BIRC6: variants seen among roughly 807,000 people sequenced by gnomAD.
The protein encoded by BIRC6 is baculoviral IAP repeat containing 6.
BIRC6 carries 98 observed loss-of-function variants against 503.3 expected under a neutral mutation model. The observed-to-expected ratio is 0.19, with a 90% CI of 0.17 to 0.23. BIRC6 has a LOEUF of 0.23. Ranked by LOEUF, BIRC6 falls within the 10% of genes least tolerant of loss-of-function variation. The pLI is 1.00. For synonymous variants in BIRC6, 2,240 were observed against 2,078.7 expected, an observed-to-expected ratio of 1.08 and a Z score of -2.11; for missense variants, 5,360 against 5,806.0, an observed-to-expected ratio of 0.92 and a Z score of 2.50.
intron 55 of BIRC6, among the ~76,000 whole-genome samples, chr2:32,517,468 C>T (rs538619185): frequency 3.0e-4 from 45 of 152,146 alleles, no homozygotes; most frequent in Non-Finnish European, 5.9e-4. Flanking sequence ...CAACTTCACC[C>T]GAGGGCATGA....
At chr2:32,542,573 A>G (rs955382033) in intron 61 of BIRC6, among the ~76,000 whole-genome samples, 1 of 152,236 alleles carries the variant, frequency 6.6e-6, no homozygotes, top group Admixed American at 6.5e-5. Flanking sequence ...ACAGAATTAG[A>G]AAGTTCTCCT....
In BIRC6 at chr2:32,380,241, G is replaced by T; in HGVS notation, c.596G>T (p.Gly199Val). 1.9e-6 allele frequency: 3 copies of T among 1,609,246 alleles called. No individual in the cohort carries two copies. The highest frequency in any genetic ancestry group is 2.5e-6 in the Non-Finnish European group (3 of 1,178,488). The change falls in exon 3 of 74, where the codon GGT becomes GTT. Residue 199 changes from glycine to valine, a missense_variant. Transcript: ENST00000421745. ...YDLFITQLKD[G>V]LKNTSHETAA... is the part of the protein sequence containing the mutation. Reference sequence around the variant, plus strand: ...TTGTTCATCACACAGCTCAAAGATGGTTTAAAAAATACATCTCATGAGACT... The same window carrying T: ...TTGTTCATCACACAGCTCAAAGATGTTTTAAAAAATACATCTCATGAGACT...
intron 9 of BIRC6, among the ~76,000 whole-genome samples, chr2:32,408,155 A>G (rs1217996281): frequency 6.6e-6 from 1 of 152,046 alleles, no homozygotes; most frequent in Non-Finnish European, 1.5e-5. Flanking sequence ...TTTAGTAGAG[A>G]TGGGGTTTCA....
intron 9 of BIRC6, among the ~76,000 whole-genome samples, chr2:32,407,001 G>A (rs537806445): frequency 6.6e-6 from 1 of 152,070 alleles, no homozygotes; most frequent in Non-Finnish European, 1.5e-5. Flanking sequence ...AATATACTTC[G>A]TATTTTAATG....
chr2:32,615,930 G>T (rs1298001523), intron 73 of BIRC6, among the ~76,000 whole-genome samples: 4 of 152,052 alleles, frequency 2.6e-5, no homozygotes, highest in Non-Finnish European at 5.9e-5. Flanking sequence ...ATCAGACCCG[G>T]CCGACACAAT....
chr2:32,508,420 G>T (rs1247035987), intron 51 of BIRC6, among the ~76,000 whole-genome samples, 161 bp downstream of exon 51: 1 of 151,104 alleles, frequency 6.6e-6, no homozygotes, highest in Non-Finnish European at 1.5e-5. Context: ...GTGTAATAGA[G>T]ACAGTTTTGT....
chr2:32,599,757 G>C lies in BIRC6; in HGVS notation c.13849G>C (p.Ala4617Pro), dbSNP rs1451390846. ...DIMKVLITGPADTPYANGCFE... is the reference protein window; with the variant it reads ...DIMKVLITGPPDTPYANGCFE... ...TATCCAGGTTCTAATAACTGGTCCAGCGGACACCCCTTATGCAAATGGCTG... is the reference window on the plus strand; with the variant it reads ...TATCCAGGTTCTAATAACTGGTCCACCGGACACCCCTTATGCAAATGGCTG... Residue 4617 changes from alanine to proline, a missense_variant, in exon 70 of 74, where the codon GCG becomes CCG. Physicochemically the swap from Ala to Pro is conservative, Grantham distance 27 (BLOSUM62 -1). Transcript: ENST00000421745. 6.2e-7 allele frequency: 1 copy of C among 1,613,778 alleles called. No homozygotes were observed. Among genetic ancestry groups the C allele is most frequent in the Non-Finnish European group, 8.5e-7 (1 of 1,179,714 alleles).
At chr2:32,449,458 A>C (rs1390085410) in intron 22 of BIRC6, among the ~76,000 whole-genome samples, 1 of 152,270 alleles carries the variant, frequency 6.6e-6, no homozygotes, top group East Asian at 1.9e-4. Flanking sequence ...GCATGACACT[A>C]TTTTTATAAT....
chr2:32,453,970 T>G (rs950856979), intron 23 of BIRC6, 28 bp downstream of exon 23: 1 of 1,558,162 alleles, frequency 6.4e-7, no homozygotes, highest in Middle Eastern at 1.7e-4. Flanking sequence ...TACCTTCTTT[T>G]ATTATATACT....
intron 66 of BIRC6, among the ~76,000 whole-genome samples, chr2:32,584,207 C>G (rs1410761809): frequency 2.6e-5 from 4 of 152,076 alleles, no homozygotes. Flanking sequence ...ACCCCCATCT[C>G]TCTTCTTTAA....
chr2:32,409,606 T>G (rs562490323), intron 9 of BIRC6, among the ~76,000 whole-genome samples: 1 of 152,284 alleles, frequency 6.6e-6, no homozygotes, highest in East Asian at 1.9e-4. Flanking sequence ...TAAGTATACA[T>G]GGCTTCTTGT....
At chr2:32,498,675 C>A (rs1206441942) in intron 45 of BIRC6, among the ~76,000 whole-genome samples, 1 of 152,134 alleles carries the variant, frequency 6.6e-6, no homozygotes, top group Non-Finnish European at 1.5e-5. Flanking sequence ...GCAACCTCCT[C>A]CTCCTGGGTT....
chr2:32,595,047 T>C lies in BIRC6; in HGVS notation c.13515T>C (p.Gly4505=). Residue 4505 remains glycine (G), a synonymous_variant, in exon 68 of 74, where the codon GGT becomes GGC. Transcript: ENST00000421745. ...ATTAAATAACAGAAAAAAAACTGGG[T>C]GAATACTCCAAGAAGGCGGCTATGA... ...LRQANQEKKL[G]EYSKKAAMKP... is the part of the protein sequence containing the mutation. 1 of 1,587,856 alleles carries C rather than the reference T, an allele frequency of 6.3e-7. No homozygotes were observed. Among genetic ancestry groups the C allele is most frequent in the Non-Finnish European group, 8.5e-7 (1 of 1,170,334 alleles).
chr2:32,536,782 A>G (rs1050036831), intron 61 of BIRC6, among the ~76,000 whole-genome samples: 12 of 152,090 alleles, frequency 7.9e-5, no homozygotes, highest in Non-Finnish European at 1.2e-4. Context: ...TTGACTTGGC[A>G]ATGCGGGCTC....
intron 62 of BIRC6, among the ~76,000 whole-genome samples, chr2:32,544,443 T>G (rs1349652518): frequency 6.6e-6 from 1 of 151,282 alleles, no homozygotes; most frequent in Non-Finnish European, 1.5e-5. Flanking sequence ...GCCTCACAAG[T>G]AGATTTTCAT....
chr2:32,468,969 AGTT>A (rs1471048744), intron 29 of BIRC6, among the ~76,000 whole-genome samples, 186 bp downstream of exon 29: 1 of 152,180 alleles, frequency 6.6e-6, no homozygotes, highest in African/African-American at 2.4e-5. Context: ...TCTTAAATGA[AGTT>A]GTGTGTGTTT....
At chr2:32,410,492 G>A (rs766284737) in intron 9 of BIRC6, among the ~76,000 whole-genome samples, 4 of 152,092 alleles carry the variant, frequency 2.6e-5, no homozygotes, top group Non-Finnish European at 5.9e-5. Context: ...ATTTTTTTCT[G>A]CTGTAGCTAG....
intron 65 of BIRC6, chr2:32,564,404 T>C (rs947025406): frequency 2.6e-5 from 4 of 152,226 alleles, no homozygotes; most frequent in African/African-American, 9.7e-5. Flanking sequence ...ATTTTGGCAG[T>C]TGCAAAAATG....
chr2:32,497,168 G>A (rs1380970107), intron 45 of BIRC6, among the ~76,000 whole-genome samples: 2 of 152,134 alleles, frequency 1.3e-5, no homozygotes, highest in Admixed American at 6.5e-5. Context: ...CTGTTCATAC[G>A]TTGAATTATA....
Sources: gnomAD v4.1 joint callset for allele counts (sites outside exome capture counted in the v4.1 genomes callset) on GRCh38, gnomAD v4.1.1 for gene constraint, MANE v1.5 for transcripts, NCBI Gene and HGNC (gene_info 2026-07-23, HGNC 2026-07-21) for gene names.